The following IL1RAP variants were observed in gnomAD, a reference collection of about 807,000 sequenced individuals.
IL1RAP encodes interleukin-1 receptor accessory protein.
A neutral mutation model predicts 60.7 loss-of-function variants in IL1RAP; 35 were observed. That is an observed-to-expected ratio of 0.58 (90% confidence interval 0.44 to 0.76). The LOEUF (loss-of-function observed/expected upper bound fraction) is 0.76. IL1RAP is among the 30% of genes least tolerant of loss of function. The pLI is 0.00. For missense variants in IL1RAP, 572 were observed against 693.9 expected, an observed-to-expected ratio of 0.82 and a Z score of 1.97; for synonymous variants, 268 against 250.9, an observed-to-expected ratio of 1.07 and a Z score of -0.64.
intron 3 of IL1RAP, among the ~76,000 whole-genome samples, chr3:190,601,741 T>A (rs1404790027): frequency 6.6e-6 from 1 of 152,188 alleles, no homozygotes; most frequent in Non-Finnish European, 1.5e-5. Flanking sequence ...GCGGCTCAGC[T>A]CGTCCAGGCC....
intron 10 of IL1RAP, 92 bp downstream of exon 10, chr3:190,644,489 A>G: frequency 1.0e-6 from 1 of 990,162 alleles, no homozygotes; most frequent in Admixed American, 2.3e-5. Flanking sequence ...TGTTGATTTG[A>G]AAAACCTAGA....
chr3:190,654,444 T>G (rs1015934519), downstream of IL1RAP, among the ~76,000 whole-genome samples: 1 of 152,122 alleles, frequency 6.6e-6, no homozygotes, highest in Non-Finnish European at 1.5e-5. Flanking sequence ...AGAAGGGTTT[T>G]AATGATAAAC....
At chr3:190,630,112 T>C in intron 9 of IL1RAP, 2 of 766,398 alleles carry the variant, frequency 2.6e-6, no homozygotes, top group Non-Finnish European at 3.2e-6. Flanking sequence ...TTAAACACTA[T>C]GTATCAATAT....
downstream of IL1RAP, among the ~76,000 whole-genome samples, chr3:190,653,878 G>A (rs1427929817): frequency 6.6e-6 from 1 of 152,104 alleles, no homozygotes; most frequent in African/African-American, 2.4e-5. Flanking sequence ...AATAAAGCAT[G>A]CAACTCCCTT....
chr3:190,645,830 C>G lies in IL1RAP; in HGVS notation c.1333C>G (p.Leu445Val). Reference protein sequence around the residue: ...YKLCIFDRDSLPGGIVTDETL... With the variant: ...YKLCIFDRDSVPGGIVTDETL... The stretch of plus-strand genomic sequence containing the variant: ...GCTGTGCATCTTTGACCGAGACAGT[C>G]TGCCTGGGGGAAGTAGGTATTTCAG... The change falls in exon 11 of 12, where the codon CTG becomes GTG. Residue 445 changes from leucine to valine, a missense_variant. Transcript: ENST00000447382. 1 of 1,613,176 alleles carries G rather than the reference C, an allele frequency of 6.2e-7. No homozygotes were observed. Among genetic ancestry groups the G allele is most frequent in the Non-Finnish European group, 8.5e-7 (1 of 1,179,458 alleles).
chr3:190,631,583 G>C (rs1732791639), intron 9 of IL1RAP, among the ~76,000 whole-genome samples: 1 of 152,156 alleles, frequency 6.6e-6, no homozygotes, highest in Admixed American at 6.5e-5. Context: ...TTATATCTGA[G>C]TTCACATTCA....
chr3:190,545,783 T>G (rs1349663032), intron 1 of IL1RAP, among the ~76,000 whole-genome samples: 2 of 152,166 alleles, frequency 1.3e-5, no homozygotes, highest in Non-Finnish European at 2.9e-5. Flanking sequence ...GATCTGGAGA[T>G]CTCTTTAGGT....
chr3:190,584,051 C>G (rs1419509170), intron 3 of IL1RAP, among the ~76,000 whole-genome samples: 2 of 152,094 alleles, frequency 1.3e-5, no homozygotes, highest in South Asian at 2.1e-4. Flanking sequence ...CTGTGCCGTC[C>G]CCCCACACCC....
At chr3:190,530,448 TA>T (rs1312797421) in intron 1 of IL1RAP, among the ~76,000 whole-genome samples, 1 of 152,158 alleles carries the variant, frequency 6.6e-6, no homozygotes, top group African/African-American at 2.4e-5. Flanking sequence ...CTGTTCTCAC[TA>T]AAGGAGGTGA....
At chr3:190,616,705 C>A (rs1347991109) in intron 5 of IL1RAP, among the ~76,000 whole-genome samples, 1 of 152,170 alleles carries the variant, frequency 6.6e-6, no homozygotes, top group East Asian at 1.9e-4. Flanking sequence ...ATCCTACAAC[C>A]CACCATCCAA....
chr3:190,564,131 T>C, intron 2 of IL1RAP, 158 bp from the exon 3 acceptor site: 1 of 574,136 alleles, frequency 1.7e-6, no homozygotes, highest in Non-Finnish European at 3.2e-6. Context: ...AAATAAAACC[T>C]GTCTTATTGG....
intron 3 of IL1RAP, among the ~76,000 whole-genome samples, chr3:190,602,424 T>G (rs1577701509): frequency 6.6e-6 from 1 of 152,120 alleles, no homozygotes; most frequent in Non-Finnish European, 1.5e-5. Context: ...TTATTTAAAT[T>G]TATAAGACAT....
chr3:190,593,503 C>A (rs1483240773), intron 3 of IL1RAP, among the ~76,000 whole-genome samples: 2 of 152,132 alleles, frequency 1.3e-5, no homozygotes, highest in East Asian at 3.8e-4. Context: ...TGAGACTGGG[C>A]AATTTATAAA....
At chr3:190,580,551 G>C (rs1444399590) in intron 3 of IL1RAP, among the ~76,000 whole-genome samples, 1 of 152,134 alleles carries the variant, frequency 6.6e-6, no homozygotes, top group East Asian at 1.9e-4. Context: ...GGCACAGAAG[G>C]ACAGACACTA....
intron 3 of IL1RAP, among the ~76,000 whole-genome samples, chr3:190,572,158 C>G (rs1726985460): frequency 6.6e-6 from 1 of 152,146 alleles, no homozygotes; most frequent in Non-Finnish European, 1.5e-5. Flanking sequence ...ATGCCCTATC[C>G]TTCTCTAGCG....
At chr3:190,576,258 C>A (rs1046297502) in intron 3 of IL1RAP, among the ~76,000 whole-genome samples, 3 of 151,940 alleles carry the variant, frequency 2.0e-5, no homozygotes, top group African/African-American at 7.3e-5. Context: ...ACATAATTGA[C>A]TACATAAAGA....
At chr3:190,540,572 C>A (rs1723844314) in intron 1 of IL1RAP, among the ~76,000 whole-genome samples, 1 of 150,948 alleles carries the variant, frequency 6.6e-6, no homozygotes, top group Admixed American at 6.6e-5. Flanking sequence ...TCATTTTGCT[C>A]TTTCTTCTGA....
At chr3:190,591,703 T>C (rs1728954038) in intron 3 of IL1RAP, among the ~76,000 whole-genome samples, 1 of 152,190 alleles carries the variant, frequency 6.6e-6, no homozygotes, top group Non-Finnish European at 1.5e-5. Flanking sequence ...ATAAATATTA[T>C]CTAATAATAA....
chr3:190,590,692 C>T (rs1400937203), intron 3 of IL1RAP, among the ~76,000 whole-genome samples: 2 of 152,140 alleles, frequency 1.3e-5, no homozygotes, highest in African/African-American at 2.4e-5. Context: ...TATGACTTGA[C>T]CATATAGAAC....
Sources: allele counts gnomAD v4.1 joint callset (sites outside exome capture counted in the v4.1 genomes callset), GRCh38; gene constraint gnomAD v4.1.1; transcripts MANE v1.5; gene names NCBI Gene and HGNC (gene_info 2026-07-23, HGNC 2026-07-21).